The following CPVL variants were observed in gnomAD, a reference collection of about 807,000 sequenced individuals.
The protein encoded by CPVL is probable serine carboxypeptidase CPVL.
Under a neutral mutation model 63.7 loss-of-function variants are expected in CPVL, and 51 were observed. The ratio of observed to expected loss-of-function variants is 0.80; its 90% confidence interval spans 0.64 to 1.01. The LOEUF is 1.01. Among genes scored for constraint, CPVL ranks in the 50% least tolerant of loss-of-function variants. The pLI is 0.00. For synonymous variants in CPVL, 195 were observed against 206.0 expected, an observed-to-expected ratio of 0.95 and a Z score of 0.46; for missense variants, 530 against 573.1, an observed-to-expected ratio of 0.92 and a Z score of 0.77.
chr7:29,033,888 C>A (rs898610119), intron 11 of CPVL, among the ~76,000 whole-genome samples: 1 of 151,972 alleles, frequency 6.6e-6, no homozygotes, highest in Non-Finnish European at 1.5e-5. Flanking sequence ...GATGGTTATG[C>A]AATGTCACAG....
chr7:29,148,123 T>A (rs1793028128), upstream of CPVL, among the ~76,000 whole-genome samples: 1 of 152,178 alleles, frequency 6.6e-6, no homozygotes. Flanking sequence ...CATTAGCAGA[T>A]AACACTGCTG....
At chr7:29,066,987 A>T (rs1396949667) in intron 9 of CPVL, among the ~76,000 whole-genome samples, 1 of 152,196 alleles carries the variant, frequency 6.6e-6, no homozygotes, top group African/African-American at 2.4e-5. Flanking sequence ...AATTAGAGAA[A>T]TGGAGACTTG....
intron 6 of CPVL, among the ~76,000 whole-genome samples, chr7:29,087,692 T>C (rs955597201): frequency 1.3e-5 from 2 of 152,120 alleles, no homozygotes; most frequent in African/African-American, 4.8e-5. Flanking sequence ...CCATGAACCA[T>C]CCAGGAAGAT....
rs372801736 is a variant in CPVL at position 29,183,188 on chromosome 7, G to A, written c.-134+1233C>T. Reference sequence around the variant, plus strand: ...TAACCTCCGCCTCCCAGGTTCAAGCGATTCTCCTGCCTCAGCCTCCTGAGT... The same window carrying A: ...TAACCTCCGCCTCCCAGGTTCAAGCAATTCTCCTGCCTCAGCCTCCTGAGT... On this transcript the variant is annotated intron_variant, in intron 4 of 16. Coordinates refer to the CPVL transcript ENST00000409850. 2.7e-5 allele frequency among the ~76,000 whole-genome samples: 4 copies of A among 150,576 alleles called. No homozygotes were observed. The East Asian group carries it at 5.9e-4, about 22-fold the overall frequency.
At chr7:29,003,997 C>T (rs1446126026) in intron 12 of CPVL, among the ~76,000 whole-genome samples, 4 of 152,158 alleles carry the variant, frequency 2.6e-5, no homozygotes, top group Non-Finnish European at 5.9e-5. Context: ...CAGTCTGTGA[C>T]CGAGGGATTG....
At chr7:29,152,291 G>C (rs1032958063) in intron 5 of CPVL, among the ~76,000 whole-genome samples, 1 of 152,126 alleles carries the variant, frequency 6.6e-6, no homozygotes, top group African/African-American at 2.4e-5. Context: ...CTTCTTGCTG[G>C]GTTAACTGCT....
chr7:29,091,554 C>A (rs947455690), intron 6 of CPVL, among the ~76,000 whole-genome samples: 5 of 152,174 alleles, frequency 3.3e-5, no homozygotes, highest in Admixed American at 1.3e-4. Context: ...GGGGGGAACA[C>A]CCCGTCAGCA....
chr7:29,108,305 A>G (rs1018136560), intron 3 of CPVL, among the ~76,000 whole-genome samples: 4 of 152,244 alleles, frequency 2.6e-5, no homozygotes, highest in Admixed American at 6.5e-5. Flanking sequence ...AATGTGTCCA[A>G]TGAATTATCT....
intron 1 of CPVL, chr7:29,194,467 G>A (rs992837805): frequency 1.3e-5 from 2 of 155,814 alleles, no homozygotes; most frequent in Non-Finnish European, 2.8e-5. Flanking sequence ...GGGGGAGGTC[G>A]CTCTGTCTGT....
At chr7:29,090,824 C>G (rs556060583) in intron 6 of CPVL, among the ~76,000 whole-genome samples, 2 of 152,232 alleles carry the variant, frequency 1.3e-5, no homozygotes, top group Non-Finnish European at 2.9e-5. Context: ...AAACTGTGAA[C>G]GGTAAATGTC....
At chr7:29,070,314 G>A (rs1037791935) in intron 9 of CPVL, among the ~76,000 whole-genome samples, 6 of 152,170 alleles carry the variant, frequency 3.9e-5, no homozygotes, top group African/African-American at 1.2e-4. Context: ...GCTGCATTAT[G>A]TACCAGTCAT....
chr7:29,164,096 G>A (rs1795565092), intron 5 of CPVL, among the ~76,000 whole-genome samples: 1 of 152,200 alleles, frequency 6.6e-6, no homozygotes, highest in Non-Finnish European at 1.5e-5. Context: ...TCTCAAAAGT[G>A]TTGTGCCATT....
At chr7:29,133,425 G>A (rs1790895850) in intron 1 of CPVL, among the ~76,000 whole-genome samples, 1 of 152,206 alleles carries the variant, frequency 6.6e-6, no homozygotes, top group Admixed American at 6.5e-5. Flanking sequence ...TCTTCTAGAA[G>A]TCTATCCTTG....
At chr7:29,143,986 C>T (rs1792178265) in intron 1 of CPVL, among the ~76,000 whole-genome samples, 1 of 152,206 alleles carries the variant, frequency 6.6e-6, no homozygotes, top group African/African-American at 2.4e-5. Flanking sequence ...TTAAGGCTTA[C>T]ATCTTTGAGC....
intron 5 of CPVL, among the ~76,000 whole-genome samples, chr7:29,158,171 G>C (rs1367573762): frequency 1.3e-5 from 2 of 152,172 alleles, no homozygotes; most frequent in Non-Finnish European, 2.9e-5. Flanking sequence ...TTAGAGTTGA[G>C]TATATTAAGA....
intron 2 of CPVL, 173 bp from the exon 3 acceptor site, chr7:29,112,995 G>A: frequency 3.8e-6 from 2 of 521,984 alleles, no homozygotes; most frequent in East Asian, 5.7e-5. Flanking sequence ...ATCCCACATA[G>A]TCCACGTTCA....
chr7:29,131,315 TTA>T (rs1234094692), intron 1 of CPVL, among the ~76,000 whole-genome samples: 1 of 152,200 alleles, frequency 6.6e-6, no homozygotes, highest in Non-Finnish European at 1.5e-5. Flanking sequence ...TGAGAACATT[TTA>T]TATGAGGATA....
intron 5 of CPVL, among the ~76,000 whole-genome samples, chr7:29,093,017 C>A (rs1388925038): frequency 6.6e-6 from 1 of 152,132 alleles, no homozygotes; most frequent in Non-Finnish European, 1.5e-5. Flanking sequence ...TCTTTTCCAT[C>A]CCCTGCTACA....
intron 11 of CPVL, among the ~76,000 whole-genome samples, chr7:29,036,097 C>A (rs535705440): frequency 2.5e-4 from 38 of 152,306 alleles, no homozygotes; most frequent in Non-Finnish European, 4.3e-4. Context: ...CAATTCCATT[C>A]ATGCTTCAAG....
Sources: allele counts gnomAD v4.1 joint callset (sites outside exome capture counted in the v4.1 genomes callset), GRCh38; gene constraint gnomAD v4.1.1; transcripts MANE v1.5; gene names NCBI Gene and HGNC (gene_info 2026-07-23, HGNC 2026-07-21).